The following MACF1 variants were observed in gnomAD, a reference collection of about 807,000 sequenced individuals.
MACF1 encodes the protein microtubule-actin cross-linking factor 1.
Under a neutral mutation model 854.8 loss-of-function variants are expected in MACF1, and 193 were observed. The observed-to-expected ratio is 0.23, with a 90% CI of 0.20 to 0.25. The LOEUF is 0.25. Ranked by LOEUF, MACF1 falls within the 10% of genes least tolerant of loss-of-function variation. The pLI is 1.00. For missense variants in MACF1, 7,722 were observed against 8,929.1 expected, an observed-to-expected ratio of 0.86 and a Z score of 5.45; for synonymous variants, 3,185 against 3,226.7, an observed-to-expected ratio of 0.99 and a Z score of 0.44.
chr1:39,461,812 A>G, intron 92 of MACF1, 71 bp from the exon 93 acceptor site: 1 of 1,039,800 alleles, frequency 9.6e-7, no homozygotes, highest in Non-Finnish European at 1.3e-6. Flanking sequence ...AAAAAAAAAA[A>G]AAAAAATCTA....
At position 39,084,330 on chromosome 1, in the gene MACF1, C is replaced by G; in HGVS notation, c.112C>G (p.Pro38Ala). Reference sequence around the variant, plus strand: ...GCGGTCGGGGAGCCTGTCTCCCTGTCCCCCAGGGGACACCTTGCCCTGGAA... The same window carrying G: ...GCGGTCGGGGAGCCTGTCTCCCTGTGCCCCAGGGGACACCTTGCCCTGGAA... The change falls in exon 2 of 94, where the codon CCC becomes GCC. Residue 38 changes from proline (P) to alanine (A), a missense_variant. Physicochemically the swap from Pro to Ala is conservative, Grantham distance 27 (BLOSUM62 -1). Coordinates refer to the MACF1 transcript ENST00000361689. This position sits in a 1 kb window ranked among gnomAD's most constrained non-coding sequence, Gnocchi z 5.2. 1.9e-6 allele frequency: 3 copies of G among 1,613,938 alleles called. No homozygotes were observed. Among genetic ancestry groups the G allele is most frequent in the Non-Finnish European group, 2.5e-6 (3 of 1,180,010 alleles).
chr1:39,217,882 C>CAA (rs751580827), intron 1 of MACF1, among the ~76,000 whole-genome samples: 3,759 of 100,004 alleles, frequency 0.038, 210 homozygotes, highest in African/African-American at 0.12. Flanking sequence ...GACCCTGTCT[C>CAA]AAAAAAAAAA....
In MACF1 at chr1:39,322,988, C is replaced by T. The variant is rs747786242; in HGVS notation, c.4216C>T (p.Arg1406Trp). 2.4e-5 allele frequency: 39 copies of T among 1,614,002 alleles called. No individual in the cohort carries two copies. The highest frequency in any genetic ancestry group is 1.9e-4 in the South Asian group (17 of 91,084). The change falls in exon 33 of 101, where the codon CGG becomes TGG. Residue 1406 changes from arginine to tryptophan, a missense_variant. Physicochemically the swap from Arg to Trp is moderately radical, Grantham distance 101. Around this residue, in one of 15 missense-constraint regions of MACF1, gnomAD observed 1,137 missense variants for 1,263.0 expected, o/e 0.90. Transcript: ENST00000564288. ...QHVKYISDAL[R>W]RLEEEEKVVE... ...CGTGAAATACATCAGTGATGCACTC[C>T]GGCGTCTGGAGGAGGAGGAGGTGAG...
chr1:39,210,040 A>C (rs1236229644), intron 1 of MACF1, among the ~76,000 whole-genome samples: 4 of 152,016 alleles, frequency 2.6e-5, no homozygotes, highest in African/African-American at 9.7e-5. Context: ...CAGTGAGCCA[A>C]GATTGCACCC....
At chr1:39,440,105 TC>T (rs1479155700) in intron 72 of MACF1, among the ~76,000 whole-genome samples, 3,143 of 100,858 alleles carry the variant, frequency 0.031, 91 homozygotes, top group African/African-American at 0.063. Context: ...TCTTTTCTTT[TC>T]TTTTCTTTTT....
chr1:39,146,721 G>A (rs1396176638), intron 2 of MACF1, among the ~76,000 whole-genome samples: 1 of 151,938 alleles, frequency 6.6e-6, no homozygotes, highest in African/African-American at 2.4e-5. Flanking sequence ...GGGTCACAGG[G>A]AAGTGGGGGA....
At chr1:39,404,488 AC>A (rs1284762061) in intron 58 of MACF1, among the ~76,000 whole-genome samples, 1 of 151,916 alleles carries the variant, frequency 6.6e-6, no homozygotes, top group Admixed American at 6.6e-5. Context: ...AAAAAAATTA[AC>A]AACAACAACA....
At chr1:39,444,575 A>G (rs909549251) in intron 79 of MACF1, 87 bp from the exon 80 acceptor site, 36 of 1,222,500 alleles carry the variant, frequency 2.9e-5, no homozygotes, top group Non-Finnish European at 3.9e-5. Context: ...CCCTTCCTGG[A>G]CTTTCCCAGA....
At chr1:39,143,065 A>G (rs1202103532) in intron 2 of MACF1, among the ~76,000 whole-genome samples, 1 of 152,142 alleles carries the variant, frequency 6.6e-6, no homozygotes, top group Admixed American at 6.5e-5. Context: ...CACTTTTTCT[A>G]TCTTACACAG....
chr1:39,156,139 T>C (rs912391383), intron 2 of MACF1, among the ~76,000 whole-genome samples: 3 of 152,058 alleles, frequency 2.0e-5, no homozygotes, highest in Non-Finnish European at 4.4e-5. Context: ...CCTCCCAAAG[T>C]GCTGGGATTA....
In MACF1 at chr1:39,439,283, A is replaced by C. The variant is rs1644052354; in HGVS notation, c.18230A>C (p.Asp6077Ala). 1.2e-6 allele frequency: 2 copies of C among 1,609,176 alleles called. No individual in the cohort carries two copies. The highest frequency in any genetic ancestry group is 2.7e-5 in the African/African-American group (2 of 74,788). The change falls in exon 72 of 101, where the codon GAT becomes GCT. Residue 6077 changes from aspartate to alanine, a missense_variant. Coordinates refer to ENST00000564288, the MANE Select transcript of MACF1 (RefSeq NM_001394062.1). ...TTTTTAACCTCCTCAGAAATCCAGG[A>C]TAAATTGGATCAAATGGTATTCTTC... ...DKDLAAKEIQ[D>A]KLDQMVFFWE... is the part of the protein sequence containing the mutation.
chr1:39,165,848 T>G (rs1299237842), intron 2 of MACF1, among the ~76,000 whole-genome samples: 1 of 152,198 alleles, frequency 6.6e-6, no homozygotes, highest in Non-Finnish European at 1.5e-5. Flanking sequence ...TGGTTTGAAA[T>G]CCTTTGATTT....
intron 70 of MACF1, among the ~76,000 whole-genome samples, chr1:39,437,166 A>C (rs568645171): frequency 6.6e-5 from 10 of 152,104 alleles, no homozygotes; most frequent in African/African-American, 2.4e-4. Context: ...TTGGAATAGG[A>C]GAAATATTGT....
At chr1:39,262,644 G>GTCACA (rs1645177598) in intron 6 of MACF1, among the ~76,000 whole-genome samples, 1 of 152,014 alleles carries the variant, frequency 6.6e-6, no homozygotes, top group Admixed American at 6.6e-5. Flanking sequence ...TAACTTCCAG[G>GTCACA]GCTTTTGACA....
chr1:39,117,750 C>T (rs1027089941), intron 2 of MACF1, among the ~76,000 whole-genome samples: 1 of 152,122 alleles, frequency 6.6e-6, no homozygotes, highest in African/African-American at 2.4e-5. Flanking sequence ...AACCCTCTGT[C>T]CTCTAGGGAT....
chr1:39,458,722 A>G (rs1644491993), intron 90 of MACF1: 2 of 562,848 alleles, frequency 3.6e-6, no homozygotes, highest in Non-Finnish European at 6.0e-6. Flanking sequence ...CTTATTTTTT[A>G]ACAGTGGCCT....
At position 39,459,205 on chromosome 1, in the gene MACF1, G is replaced by C; in HGVS notation, c.21316G>C (p.Glu7106Gln). 6.2e-7 allele frequency: 1 copy of C among 1,613,982 alleles called. No individual in the cohort carries two copies. Among genetic ancestry groups the C allele is most frequent in the South Asian group, 1.1e-5 (1 of 91,046 alleles). Reference protein sequence around the residue: ...RWQQVWLLALERQRKLNDALD... With the variant: ...RWQQVWLLALQRQRKLNDALD... The stretch of plus-strand genomic sequence containing the variant: ...GCAGCAGGTGTGGCTGTTAGCACTG[G>C]AGCGGCAAAGGAAACTGAATGATGC... Residue 7106 changes from glutamate (E) to glutamine (Q), a missense_variant, in exon 91 of 101, where the codon GAG becomes CAG. Around this residue, in one of 15 missense-constraint regions of MACF1, gnomAD observed 729 missense variants for 900.5 expected, o/e 0.81. Coordinates refer to ENST00000564288, the MANE Select transcript of MACF1 (RefSeq NM_001394062.1).
intron 2 of MACF1, among the ~76,000 whole-genome samples, chr1:39,241,050 GTT>G (rs34414583): frequency 4.7e-4 from 61 of 129,380 alleles, no homozygotes; most frequent in Non-Finnish European, 3.5e-4. Flanking sequence ...ACTATAATCT[GTT>G]TTTTTTTTTT....
At chr1:39,122,850 G>T (rs1642751222) in intron 2 of MACF1, among the ~76,000 whole-genome samples, 1 of 152,090 alleles carries the variant, frequency 6.6e-6, no homozygotes, top group South Asian at 2.1e-4. Flanking sequence ...TGTTACCCCA[G>T]ATCATCCAAG....
Sources: allele counts gnomAD v4.1 joint callset (sites outside exome capture counted in the v4.1 genomes callset), GRCh38; gene constraint gnomAD v4.1.1; regional missense constraint gnomAD v4.1.1; non-coding constraint Gnocchi (gnomAD v3.1); transcripts MANE v1.5; gene names NCBI Gene and HGNC (gene_info 2026-07-23, HGNC 2026-07-21).